Variants in TET3 observed in about 807,000 individuals in gnomAD.
TET3 encodes the protein methylcytosine dioxygenase TET3.
Under a neutral mutation model 141.4 loss-of-function variants are expected in TET3, and 19 were observed. The observed-to-expected ratio is 0.13, with a 90% CI of 0.09 to 0.20. The LOEUF (loss-of-function observed/expected upper bound fraction) is 0.20. Ranked by LOEUF, TET3 falls within the 10% of genes least tolerant of loss-of-function variation. The pLI is 1.00. For missense variants in TET3, 1,874 were observed against 2,356.9 expected (o/e 0.80, Z 4.24); for synonymous variants, 1,043 against 980.9 (o/e 1.06, Z -1.18).
At chr2:74,129,700 GATC>G in the TET3 span, among the ~76,000 whole-genome samples, 1 of 152,116 alleles carries the variant, frequency 6.6e-6, no homozygotes, top group Non-Finnish European at 1.5e-5. Context: ...TCTTTTATGT[GATC>G]ATCTTTTGTG....
intron 3 of TET3, among the ~76,000 whole-genome samples, chr2:74,018,744 CT>C (rs10717099): frequency 0.29 from 39,182 of 136,946 alleles, 5,569 homozygotes; most frequent in African/African-American, 0.45. Flanking sequence ...ATACTTCTTA[CT>C]TTTTTTTTTT....
the TET3 span, among the ~76,000 whole-genome samples, chr2:74,133,534 G>A: frequency 3.9e-5 from 6 of 152,210 alleles, no homozygotes; most frequent in African/African-American, 1.4e-4. Context: ...GCCTCATTCT[G>A]TGCTGACTGT....
In TET3 at chr2:74,106,435, G is replaced by A. The variant is rs555996396; in HGVS notation, c.*4259G>A. 3 of 153,848 alleles carry A rather than the reference G, an allele frequency of 1.9e-5. No individual in the cohort carries two copies. In the South Asian group the frequency reaches 6.2e-4, roughly 32 times the overall value. 9.5% of individuals were successfully genotyped at this position (153,848 alleles called of 1,614,324 possible). On this transcript the variant is annotated 3_prime_UTR_variant, in exon 12 of 12. Coordinates refer to ENST00000409262, the MANE Select transcript of TET3 (RefSeq NM_001287491.2). ...GACAGATTTTCTCCTGCAGCCCAGG[G>A]TGCTAAGCAGACATCTCTGGGAGTC...
intron 3 of TET3, among the ~76,000 whole-genome samples, chr2:74,004,977 CCT>C (rs1171930722): frequency 5.9e-5 from 9 of 152,132 alleles, no homozygotes. Flanking sequence ...GGGGCAGGCC[CCT>C]CTCTCCTCTG....
chr2:74,131,296 C>G, the TET3 span, among the ~76,000 whole-genome samples: 6 of 152,212 alleles, frequency 3.9e-5, no homozygotes, highest in Non-Finnish European at 8.8e-5. Flanking sequence ...TTTGGCCTCT[C>G]CAGTCCATTA....
At chr2:74,096,402 G>T (rs553299029) in intron 10 of TET3, among the ~76,000 whole-genome samples, 16 of 152,286 alleles carry the variant, frequency 1.1e-4, no homozygotes, top group Admixed American at 6.5e-5. Context: ...TCTGTTCAGC[G>T]TAATAAAACA....
At chr2:74,011,096 TG>T (rs1685405442) in intron 3 of TET3, among the ~76,000 whole-genome samples, 1 of 151,808 alleles carries the variant, frequency 6.6e-6, no homozygotes, top group Non-Finnish European at 1.5e-5. Flanking sequence ...GGTGCGGTGG[TG>T]GGTGCCCATA....
intron 4 of TET3, among the ~76,000 whole-genome samples, chr2:74,059,661 C>G (rs1182159969): frequency 6.6e-6 from 1 of 152,190 alleles, no homozygotes; most frequent in Non-Finnish European, 1.5e-5. Context: ...CAAGTGATCC[C>G]CACACCTCCC....
chr2:74,099,697 C>A, intron 11 of TET3, 85 bp downstream of exon 11: 1 of 1,322,456 alleles, frequency 7.6e-7, no homozygotes, highest in Non-Finnish European at 1.0e-6. Flanking sequence ...CCTCCTGCAT[C>A]ACACTGGAAC....
the TET3 span, chr2:74,123,314 C>G: frequency 0.21 from 31,849 of 152,254 alleles, 3,652 homozygotes; most frequent in East Asian, 0.41. Context: ...GAGCGAGACT[C>G]TGTCTCAATG....
chr2:74,122,958 T>G, the TET3 span: 3 of 151,896 alleles, frequency 2.0e-5, no homozygotes, highest in Non-Finnish European at 4.4e-5. Flanking sequence ...CCTCCCAGAG[T>G]GCTGAGATTA....
At chr2:74,032,061 A>T (rs1355789119) in intron 3 of TET3, among the ~76,000 whole-genome samples, 3 of 152,172 alleles carry the variant, frequency 2.0e-5, no homozygotes, top group Non-Finnish European at 4.4e-5. Flanking sequence ...TTACATTTAA[A>T]CGTAAAGGTG....
intron 4 of TET3, among the ~76,000 whole-genome samples, chr2:74,053,140 T>G (rs143082572): frequency 6.6e-6 from 1 of 152,202 alleles, no homozygotes; most frequent in African/African-American, 2.4e-5. Context: ...AAAGATAATA[T>G]GATGTTTGCA....
intron 3 of TET3, among the ~76,000 whole-genome samples, chr2:74,017,961 CTTTTTTT>C (rs35319685): frequency 1.0e-5 from 1 of 97,232 alleles, no homozygotes; most frequent in Non-Finnish European, 1.9e-5. Context: ...TCTTCTGTCT[CTTTTTTT>C]TTTTTTTTTT....
chr2:74,126,426 T>C, the TET3 span, among the ~76,000 whole-genome samples: 1 of 152,114 alleles, frequency 6.6e-6, no homozygotes, highest in South Asian at 2.1e-4. Flanking sequence ...CACTCATACA[T>C]AGGCATTGAT....
At chr2:74,032,857 A>G (rs1403063776) in intron 3 of TET3, among the ~76,000 whole-genome samples, 1 of 151,868 alleles carries the variant, frequency 6.6e-6, no homozygotes, top group Non-Finnish European at 1.5e-5. Context: ...TTGCAGGGCT[A>G]TATTTTGGAG....
chr2:74,088,023 G>T lies in TET3; in HGVS notation c.2873G>T (p.Cys958Phe). 6.4e-7 allele frequency: 1 copy of T among 1,560,486 alleles called. No individual in the cohort carries two copies. Reference sequence around the variant, plus strand: ...TATGGGAACCCCACCAGCCGGAGATGCGGCCTCAACGATGAGTATGTAGCA... The same window carrying T: ...TATGGGAACCCCACCAGCCGGAGATTCGGCCTCAACGATGAGTATGTAGCA... ...RKYGNPTSRR[C>F]GLNDDRTCAC... The change falls in exon 7 of 12, where the codon TGC becomes TTC. Residue 958 changes from cysteine (C) to phenylalanine (F), a missense_variant. Physicochemically the swap from Cys to Phe is radical, Grantham distance 205. This residue lies in a region of TET3 where 126 missense variants were observed against 327.4 expected (regional missense o/e 0.38). Transcript: ENST00000409262.
intron 3 of TET3, among the ~76,000 whole-genome samples, chr2:74,028,375 CAT>C (rs1491555191): frequency 2.6e-5 from 4 of 151,730 alleles, no homozygotes; most frequent in African/African-American, 9.7e-5. Flanking sequence ...CTTTTGGTCT[CAT>C]ATCTGAGAAA....
intron 5 of TET3, among the ~76,000 whole-genome samples, chr2:74,079,393 C>CT (rs1368093453): frequency 6.6e-6 from 1 of 152,112 alleles, no homozygotes; most frequent in Non-Finnish European, 1.5e-5. Flanking sequence ...TAGGTGCTTT[C>CT]TTTATGGCTA....
Sources: gnomAD v4.1 joint callset for allele counts (sites outside exome capture counted in the v4.1 genomes callset) on GRCh38, gnomAD v4.1.1 for gene constraint, gnomAD v4.1.1 regional missense constraint, MANE v1.5 for transcripts, NCBI Gene and HGNC (gene_info 2026-07-23, HGNC 2026-07-21) for gene names.